The following DCC variants were observed in gnomAD, a reference collection of about 807,000 sequenced individuals.
The protein encoded by DCC is DCC netrin 1 receptor, also known as netrin receptor DCC.
Under a neutral mutation model 172.5 loss-of-function variants are expected in DCC, and 58 were observed. The observed-to-expected ratio is 0.34, with a 90% CI of 0.27 to 0.42. The LOEUF (loss-of-function observed/expected upper bound fraction) is 0.42, where lower values mean the gene tolerates loss of function less well. Among genes scored for constraint, DCC ranks in the 10% least tolerant of loss-of-function variants. The probability of loss-of-function intolerance (pLI) is 1.00; values close to 1 mark genes in which losing one functional copy is unlikely to be tolerated. For synonymous variants in DCC, 709 were observed against 644.5 expected, an observed-to-expected ratio of 1.10 and a Z score of -1.52; for missense variants, 1,740 against 1,791.0, an observed-to-expected ratio of 0.97 and a Z score of 0.51.
At chr18:53,376,119 C>T (rs546170531) in intron 15 of DCC, among the ~76,000 whole-genome samples, 18 of 152,054 alleles carry the variant, frequency 1.2e-4, no homozygotes, top group African/African-American at 3.6e-4. Flanking sequence ...AAGCCAGACG[C>T]GGTGACGTGT....
At chr18:53,389,340 G>C (rs1908395204) in intron 16 of DCC, among the ~76,000 whole-genome samples, 1 of 152,138 alleles carries the variant, frequency 6.6e-6, no homozygotes, top group Admixed American at 6.5e-5. Context: ...AATATTAATA[G>C]TTTCTGACCT....
intron 7 of DCC, among the ~76,000 whole-genome samples, chr18:53,152,868 G>A (rs368799830): frequency 7.9e-5 from 12 of 151,616 alleles, no homozygotes; most frequent in Middle Eastern, 3.4e-3. Flanking sequence ...GTGTTCCTCC[G>A]TTTTAATATA....
chr18:52,558,028 T>G (rs2144734549), intron 1 of DCC, among the ~76,000 whole-genome samples: 1 of 152,292 alleles, frequency 6.6e-6, no homozygotes, highest in Admixed American at 6.5e-5. Context: ...ATATATAAAT[T>G]TGTGTTCTTA....
intron 7 of DCC, among the ~76,000 whole-genome samples, chr18:53,117,683 C>CT (rs869061835): frequency 7.9e-6 from 1 of 126,644 alleles, no homozygotes; most frequent in Admixed American, 7.6e-5. Flanking sequence ...GGTCAGCAAA[C>CT]TTTTTTTTGT....
chr18:53,405,371 T>C (rs1461262127), intron 19 of DCC, among the ~76,000 whole-genome samples: 4 of 152,036 alleles, frequency 2.6e-5, no homozygotes, highest in East Asian at 3.9e-4. Context: ...CATGAGGAAG[T>C]CATTTAACAT....
At chr18:53,420,102 G>A (rs958538947) in intron 21 of DCC, among the ~76,000 whole-genome samples, 1 of 152,114 alleles carries the variant, frequency 6.6e-6, no homozygotes, top group Non-Finnish European at 1.5e-5. Context: ...TGATCCGCCT[G>A]TCTTGGCCTC....
chr18:52,878,866 A>G (rs1173726953), intron 2 of DCC, among the ~76,000 whole-genome samples: 2 of 152,230 alleles, frequency 1.3e-5, no homozygotes, highest in African/African-American at 4.8e-5. Context: ...ATACTTGAGA[A>G]TATCAGTAGA....
At chr18:53,158,581 C>T (rs1324735392) in intron 8 of DCC, among the ~76,000 whole-genome samples, 2 of 152,126 alleles carry the variant, frequency 1.3e-5, no homozygotes, top group African/African-American at 2.4e-5. Context: ...TCAGGTGGTG[C>T]AGTACAGCTC....
chr18:52,704,943 AATC>A (rs1453532869), intron 1 of DCC, among the ~76,000 whole-genome samples: 1 of 152,156 alleles, frequency 6.6e-6, no homozygotes, highest in Non-Finnish European at 1.5e-5. Flanking sequence ...AGGTATGGCT[AATC>A]ATGCCTCTGG....
At chr18:52,794,512 G>C (rs1239177890) in intron 2 of DCC, among the ~76,000 whole-genome samples, 1 of 151,972 alleles carries the variant, frequency 6.6e-6, no homozygotes, top group Non-Finnish European at 1.5e-5. Context: ...CAAGTTTACT[G>C]AATTTATCAG....
intron 28 of DCC, among the ~76,000 whole-genome samples, chr18:53,529,038 TCACACACACACACACACACACA>T (rs140593675): frequency 1.5e-5 from 1 of 65,182 alleles, no homozygotes; most frequent in Non-Finnish European, 3.1e-5. Flanking sequence ...TCTCTCTCTC[TCACACACACACACACACACACA>T]CACACACACA....
chr18:53,134,598 C>T (rs959901916), intron 7 of DCC, among the ~76,000 whole-genome samples: 1 of 152,084 alleles, frequency 6.6e-6, no homozygotes, highest in African/African-American at 2.4e-5. Context: ...TTTTACCTAG[C>T]CAGTTGGTAG....
chr18:53,499,135 G>A (rs1036376784), intron 26 of DCC, among the ~76,000 whole-genome samples, 163 bp from the exon 27 acceptor site: 4 of 152,168 alleles, frequency 2.6e-5, no homozygotes, highest in African/African-American at 7.2e-5. Flanking sequence ...GTCATGTTCC[G>A]TAAGTATATG....
intron 12 of DCC, among the ~76,000 whole-genome samples, chr18:53,280,353 G>A (rs1598978338): frequency 6.6e-6 from 1 of 152,044 alleles, no homozygotes; most frequent in Non-Finnish European, 1.5e-5. Flanking sequence ...AGGTTTTATT[G>A]TTGATGTTGA....
At chr18:53,153,088 A>T (rs2054669054) in intron 7 of DCC, among the ~76,000 whole-genome samples, 2 of 152,176 alleles carry the variant, frequency 1.3e-5, no homozygotes, top group African/African-American at 4.8e-5. Context: ...TGATGTTGAC[A>T]TCATGTAGGA....
intron 12 of DCC, among the ~76,000 whole-genome samples, chr18:53,274,921 G>A: frequency 6.6e-6 from 1 of 152,056 alleles, no homozygotes; most frequent in Non-Finnish European, 1.5e-5. Flanking sequence ...ACAGTACGGG[G>A]AAGCACTGAG....
At chr18:52,950,928 TCAAAAAAAAAAAAAAAAAAAAAA>T (rs2040633964) in intron 5 of DCC, among the ~76,000 whole-genome samples, 2 of 31,272 alleles carry the variant, frequency 6.4e-5, no homozygotes, top group African/African-American at 2.6e-4. Flanking sequence ...AGACTCCGTC[TCAAAAAAAAAAAAAAAAAAAAAA>T]AAAAAAAAAA....
chr18:53,047,778 C>T (rs1429813887), intron 5 of DCC, among the ~76,000 whole-genome samples: 1 of 151,388 alleles, frequency 6.6e-6, no homozygotes, highest in Non-Finnish European at 1.5e-5. Context: ...ACTTTGTGAC[C>T]TTGGGCAATG....
chr18:52,911,168 A>G (rs1598921632), intron 3 of DCC, among the ~76,000 whole-genome samples: 1 of 152,224 alleles, frequency 6.6e-6, no homozygotes, highest in Admixed American at 6.6e-5. Flanking sequence ...GATCTGTGTA[A>G]CAAAGAGGAC....
Sources: allele counts gnomAD v4.1 joint callset (sites outside exome capture counted in the v4.1 genomes callset), GRCh38; gene constraint gnomAD v4.1.1; transcripts MANE v1.5; gene names NCBI Gene and HGNC (gene_info 2026-07-23, HGNC 2026-07-21).